NAA11: variants seen among roughly 807,000 people sequenced by gnomAD.
The protein encoded by NAA11 is N-alpha-acetyltransferase 11.
NAA11 carries 15 observed loss-of-function variants against 16.1 expected under a neutral mutation model. The observed-to-expected ratio is 0.93, with a 90% CI of 0.62 to 1.44. The LOEUF (loss-of-function observed/expected upper bound fraction) is 1.44. NAA11 is among the 40% of genes most tolerant of loss of function. The pLI is 0.00. For synonymous variants in NAA11, 122 were observed against 112.4 expected, an observed-to-expected ratio of 1.09 and a Z score of -0.54; for missense variants, 298 against 291.3, an observed-to-expected ratio of 1.02 and a Z score of -0.17.
At chr4:79,180,963 A>G in the NAA11 span, among the ~76,000 whole-genome samples, 3 of 152,162 alleles carry the variant, frequency 2.0e-5, no homozygotes, top group African/African-American at 7.2e-5. Flanking sequence ...CATCATTCTC[A>G]GCAAACTATC....
intron 2 of NAA11, among the ~76,000 whole-genome samples, chr4:79,288,354 A>G (rs1405311216): frequency 2.0e-5 from 3 of 152,210 alleles, no homozygotes. Flanking sequence ...TGCCAGAACA[A>G]TAATTAATAT....
intron 2 of NAA11, among the ~76,000 whole-genome samples, chr4:79,270,028 A>G (rs913233892): frequency 6.6e-6 from 1 of 151,056 alleles, no homozygotes; most frequent in Non-Finnish European, 1.5e-5. Flanking sequence ...ATGCGGCGTT[A>G]TTTCTGAGGG....
chr4:79,289,949 T>C (rs1171654898), intron 2 of NAA11, among the ~76,000 whole-genome samples: 2 of 152,162 alleles, frequency 1.3e-5, no homozygotes, highest in African/African-American at 4.8e-5. Context: ...TCTCAGCCGT[T>C]CTCAGTGCAT....
chr4:79,192,537 G>A, the NAA11 span, among the ~76,000 whole-genome samples: 1 of 151,770 alleles, frequency 6.6e-6, no homozygotes. Context: ...CTTCATCCAT[G>A]TCCCTACAAA....
chr4:79,260,614 CTGAT>C (rs1722227923), intron 2 of NAA11, among the ~76,000 whole-genome samples: 1 of 152,184 alleles, frequency 6.6e-6, no homozygotes, highest in Non-Finnish European at 1.5e-5. Flanking sequence ...CTGCTGAACA[CTGAT>C]TGAAACTAAC....
At chr4:79,286,311 A>C (rs948595879) in intron 2 of NAA11, among the ~76,000 whole-genome samples, 3 of 152,104 alleles carry the variant, frequency 2.0e-5, no homozygotes, top group Non-Finnish European at 4.4e-5. Context: ...TCTAAAATAG[A>C]AAGCAAATAT....
At chr4:79,193,579 G>A in the NAA11 span, among the ~76,000 whole-genome samples, 4 of 152,104 alleles carry the variant, frequency 2.6e-5, no homozygotes, top group South Asian at 2.1e-4. Flanking sequence ...TGTTCCATTG[G>A]TCTATATCTC....
chr4:79,285,486 A>C (rs1323253461), intron 2 of NAA11, among the ~76,000 whole-genome samples: 2 of 152,112 alleles, frequency 1.3e-5, no homozygotes, highest in Non-Finnish European at 2.9e-5. Flanking sequence ...CACTATTGTT[A>C]AATGCACTTC....
chr4:79,172,340 T>A, the NAA11 span, among the ~76,000 whole-genome samples: 267 of 152,234 alleles, frequency 1.8e-3, 1 homozygote, highest in African/African-American at 5.9e-3. Context: ...ATATATTTTT[T>A]AAAAAAATTA....
the NAA11 span, among the ~76,000 whole-genome samples, chr4:79,202,647 ATATC>A: frequency 7.9e-6 from 1 of 126,634 alleles, no homozygotes; most frequent in Non-Finnish European, 1.7e-5. Flanking sequence ...ATATATATAT[ATATC>A]TGTGTAATTG....
downstream of NAA11, among the ~76,000 whole-genome samples, chr4:79,222,949 C>T (rs1203702387): frequency 6.8e-6 from 1 of 147,068 alleles, no homozygotes; most frequent in South Asian, 2.2e-4. Context: ...AATGAGATAC[C>T]ATCTCACACC....
chr4:79,181,773 A>G, the NAA11 span, among the ~76,000 whole-genome samples: 2 of 152,218 alleles, frequency 1.3e-5, no homozygotes, highest in Non-Finnish European at 2.9e-5. Context: ...CTGATTTTAC[A>G]TTAAAATCTG....
At chr4:79,250,088 A>G (rs2109967233) in intron 2 of NAA11, among the ~76,000 whole-genome samples, 1 of 152,356 alleles carries the variant, frequency 6.6e-6, no homozygotes, top group South Asian at 2.1e-4. Flanking sequence ...GTGACCCCGC[A>G]CAGGAAACCA....
chr4:79,271,818 A>T (rs1181937533), intron 2 of NAA11, among the ~76,000 whole-genome samples: 4 of 152,048 alleles, frequency 2.6e-5, no homozygotes, highest in Non-Finnish European at 5.9e-5. Flanking sequence ...CCAGTCTTCT[A>T]AGAACCAGGT....
the NAA11 span, among the ~76,000 whole-genome samples, chr4:79,216,090 A>G: frequency 6.6e-6 from 1 of 152,124 alleles, no homozygotes; most frequent in Non-Finnish European, 1.5e-5. Flanking sequence ...TAAAAATATT[A>G]TCTCAATTAT....
At chr4:79,220,291 C>T in the NAA11 span, among the ~76,000 whole-genome samples, 2 of 152,146 alleles carry the variant, frequency 1.3e-5, no homozygotes, top group Non-Finnish European at 1.5e-5. Flanking sequence ...CGGCGTTTCG[C>T]CATATTGGCC....
intron 2 of NAA11, among the ~76,000 whole-genome samples, chr4:79,289,987 C>T (rs1273863288): frequency 6.6e-6 from 1 of 152,124 alleles, no homozygotes; most frequent in African/African-American, 2.4e-5. Context: ...AAAGCGACCA[C>T]CAGGCCCTCT....
chr4:79,310,289 A>C (rs1027191507), intron 1 of NAA11, among the ~76,000 whole-genome samples: 4 of 152,248 alleles, frequency 2.6e-5, no homozygotes, highest in African/African-American at 9.6e-5. Flanking sequence ...TTACTCAACA[A>C]CTAAAAAGGA....
At chr4:79,178,147 T>A in the NAA11 span, among the ~76,000 whole-genome samples, 1 of 152,172 alleles carries the variant, frequency 6.6e-6, no homozygotes, top group Non-Finnish European at 1.5e-5. Context: ...CTGGCTGCCA[T>A]GGCCCAGAAA....
Sources: gnomAD v4.1 joint callset for allele counts (sites outside exome capture counted in the v4.1 genomes callset) on GRCh38, gnomAD v4.1.1 for gene constraint, MANE v1.5 for transcripts, NCBI Gene and HGNC (gene_info 2026-07-23, HGNC 2026-07-21) for gene names.